The following SCAMP4 variants were observed in gnomAD, a reference collection of about 807,000 sequenced individuals.
The protein encoded by SCAMP4 is secretory carrier membrane protein 4.
A neutral mutation model predicts 32.1 loss-of-function variants in SCAMP4; 19 were observed. The ratio of observed to expected loss-of-function variants is 0.59; its 90% CI spans 0.41 to 0.87. The LOEUF is 0.87. Ranked by LOEUF, SCAMP4 falls within the 40% of genes least tolerant of loss-of-function variation. SCAMP4 has a pLI of 0.00. For missense variants in SCAMP4, 302 were observed against 309.0 expected (o/e 0.98, Z 0.17); for synonymous variants, 152 against 132.7 (o/e 1.15, Z -1.00).
At chr19:1,909,940 C>T (rs2013349492) in intron 1 of SCAMP4, among the ~76,000 whole-genome samples, 1 of 152,244 alleles carries the variant, frequency 6.6e-6, no homozygotes, top group African/African-American at 2.4e-5. Flanking sequence ...TTTCCTAGCC[C>T]TTGGCCGACT....
chr19:1,907,059 C>G (rs1401414983), intron 1 of SCAMP4: 1 of 150,586 alleles, frequency 6.6e-6, no homozygotes, highest in Non-Finnish European at 1.5e-5. Context: ...TAGTGGTGCA[C>G]ATCTGTTGTC....
intron 1 of SCAMP4, 69 bp downstream of exon 1, chr19:1,905,508 A>T (rs569696050): frequency 7.7e-6 from 3 of 389,268 alleles, no homozygotes; most frequent in African/African-American, 6.6e-5. Context: ...GTAGGGGCTG[A>T]CATGGGGGGT....
Position 1,908,999 on chromosome 19 carries a change from G to T in SCAMP4, c.-42+3560G>T, listed in dbSNP as rs996479524. Among the ~76,000 whole-genome samples the T allele has an allele frequency of 6.6e-6, 1 of 152,056 alleles. No individual in the cohort carries two copies. The highest frequency in any genetic ancestry group is 1.5e-5 in the Non-Finnish European group (1 of 68,030). ...ATGTGCCTGTATTCCCAGCTACTAG[G>T]GGGGCTGAGGCAGGAGAATCGCTTG... On this transcript the variant is annotated intron_variant, in intron 1 of 6. Transcript: ENST00000316097. This position sits in a 1 kb window ranked among gnomAD's most constrained non-coding sequence, Gnocchi z 4.2.
intron 1 of SCAMP4, chr19:1,913,106 C>T: frequency 2.5e-6 from 4 of 1,594,164 alleles, no homozygotes; most frequent in Middle Eastern, 3.3e-4. Flanking sequence ...AGGTGTTCCG[C>T]GGGGTGCTGG....
At chr19:1,909,193 G>GGT (rs1285574653) in intron 1 of SCAMP4, among the ~76,000 whole-genome samples, 2 of 152,162 alleles carry the variant, frequency 1.3e-5, no homozygotes, top group Admixed American at 1.3e-4. Context: ...GGCAGATGCA[G>GGT]GTGGGGGAAG....
At chr19:1,915,893 C>T (rs2013716105) in intron 2 of SCAMP4, among the ~76,000 whole-genome samples, 1 of 144,606 alleles carries the variant, frequency 6.9e-6, no homozygotes, top group Non-Finnish European at 1.5e-5. Flanking sequence ...TTGCAGTGAG[C>T]GAGATCGGGC....
rs116298009 is a variant in SCAMP4 at position 1,908,322 on chromosome 19, G to A, written c.-42+2883G>A. 6.2e-3 allele frequency: 2,189 copies of A among 354,164 alleles called. 46 individuals are homozygous for A. The highest frequency in any genetic ancestry group is 0.044 in the African/African-American group (2,043 of 46,288). The allele number at this position is 354,164 out of a possible 1,614,324, so 21.9% of individuals were successfully genotyped here. A position where few individuals can be genotyped will look rare whatever the true frequency, so the allele number is the denominator to read the frequency against. On this transcript the variant is annotated intron_variant, in intron 1 of 6. Coordinates refer to ENST00000316097, the MANE Select transcript of SCAMP4 (RefSeq NM_079834.4). The surrounding 1 kb of genome is among the most constrained non-coding windows in gnomAD (Gnocchi z 4.2). ...GTGAGCTTCGGGCAGCGCTGGGGCC[G>A]CTTCAGCGTGACCTCCAAGGCCACT...
intron 5 of SCAMP4, chr19:1,919,220 C>A: frequency 7.2e-7 from 1 of 1,386,030 alleles, no homozygotes; most frequent in South Asian, 1.5e-5. Context: ...AGGGAGGGGT[C>A]CGAGCTCGCC....
At chr19:1,912,202 A>G in intron 1 of SCAMP4, 1 of 1,589,446 alleles carries the variant, frequency 6.3e-7, no homozygotes, top group South Asian at 1.1e-5. Context: ...TCCGAGAAGC[A>G]GTCAGGGGAC....
intron 1 of SCAMP4, chr19:1,912,490 C>T: frequency 2.0e-6 from 3 of 1,497,390 alleles, no homozygotes; most frequent in South Asian, 1.3e-5. Flanking sequence ...CCCGCCCGGC[C>T]GCCTCTGACC....
chr19:1,923,642 A>G (rs1212888624), intron 6 of SCAMP4, among the ~76,000 whole-genome samples: 7 of 98,526 alleles, frequency 7.1e-5, no homozygotes, highest in South Asian at 3.6e-4. Flanking sequence ...TTTTTTAGAC[A>G]GAGTCTCGCT....
rs1445300046 is a variant in SCAMP4 at position 1,912,031 on chromosome 19, C to T, written c.-41-2948C>T. 4.2e-6 allele frequency: 6 copies of T among 1,415,978 alleles called. 1 individual carries two copies. The South Asian group carries it at 4.6e-5, about 11-fold the overall frequency. 87.7% of individuals were successfully genotyped at this position (1,415,978 alleles called of 1,614,324 possible). A position where few individuals can be genotyped will look rare whatever the true frequency, so the allele number is the denominator to read the frequency against. On this transcript the variant is annotated intron_variant, in intron 1 of 6. Transcript: ENST00000316097. ...GACGGACTCCCCGGCTCTCCCCCAG[C>T]CGCCCGCAGCCGCCGGATGATCCTC...
rs139706582 is a variant in SCAMP4 at position 1,913,334 on chromosome 19, G to C, written c.-41-1645G>C. The C allele has an allele frequency of 7.7e-4, 705 of 911,138 alleles. 2 individuals are homozygous for C. In the African/African-American group the frequency reaches 0.011, roughly 14 times the overall value. The allele number at this position is 911,138 out of a possible 1,614,324, so 56.4% of individuals were successfully genotyped here. On this transcript the variant is annotated intron_variant, in intron 1 of 6. Coordinates refer to ENST00000316097, the MANE Select transcript of SCAMP4 (RefSeq NM_079834.4). ...CGAGCTTTCCTGGACTCGGTCATTG[G>C]GGCCACCCCGTGCCAGCGGTGCCCT...
chr19:1,912,470 G>GGTGCCC, intron 1 of SCAMP4: 2 of 1,503,690 alleles, frequency 1.3e-6, no homozygotes, highest in Non-Finnish European at 1.8e-6. Context: ...AACCCTTCCT[G>GGTGCCC]GTGCCCGTGC....
intron 5 of SCAMP4, chr19:1,922,810 G>A (rs1351834893): frequency 3.0e-5 from 35 of 1,171,732 alleles, no homozygotes; most frequent in East Asian, 4.6e-5. Flanking sequence ...GGATAAGGTT[G>A]TGTTCACGCG....
intron 5 of SCAMP4, among the ~76,000 whole-genome samples, chr19:1,920,495 G>A (rs2013884491): frequency 6.6e-6 from 1 of 152,166 alleles, no homozygotes; most frequent in South Asian, 2.1e-4. Context: ...TGTGGTTTGT[G>A]CACCCCTCGG....
intron 1 of SCAMP4, among the ~76,000 whole-genome samples, chr19:1,911,296 C>T (rs905238935): frequency 2.0e-5 from 3 of 152,028 alleles, no homozygotes; most frequent in African/African-American, 7.2e-5. Flanking sequence ...TTCAGCTTCT[C>T]GAGTAGCTGA....
At chr19:1,918,541 C>T (rs1339386956) in intron 4 of SCAMP4, 2 of 521,732 alleles carry the variant, frequency 3.8e-6, no homozygotes, top group South Asian at 2.7e-5. Context: ...GCAGGCGGAT[C>T]ACCTGAGGTC....
In SCAMP4 at chr19:1,917,768, G is replaced by A; in HGVS notation, c.82G>A (p.Glu28Lys). The A allele has an allele frequency of 3.7e-6, 6 of 1,614,028 alleles. No homozygotes were observed. Among genetic ancestry groups the A allele is most frequent in the Non-Finnish European group, 5.1e-6 (6 of 1,179,890 alleles). ...CTGCTTCTACCAGAACTTCTCCGACGAGATCCCAGTGGAGCACCAGGTCCT... is the reference window on the plus strand; with the variant it reads ...CTGCTTCTACCAGAACTTCTCCGACAAGATCCCAGTGGAGCACCAGGTCCT... Reference protein sequence around the residue: ...KPCFYQNFSDEIPVEHQVLVK... With the variant: ...KPCFYQNFSDKIPVEHQVLVK... The change falls in exon 3 of 7, where the codon GAG becomes AAG. Residue 28 changes from glutamate to lysine, a missense_variant. Physicochemically the swap from Glu to Lys is moderately conservative, Grantham distance 56 (BLOSUM62 1). Transcript: ENST00000316097.
Sources: allele counts gnomAD v4.1 joint callset (sites outside exome capture counted in the v4.1 genomes callset), GRCh38; gene constraint gnomAD v4.1.1; non-coding constraint Gnocchi (gnomAD v3.1); transcripts MANE v1.5; gene names NCBI Gene and HGNC (gene_info 2026-07-23, HGNC 2026-07-21).